The following NPAS3 variants were observed in gnomAD, a reference collection of about 807,000 sequenced individuals.
NPAS3 encodes the protein neuronal PAS domain-containing protein 3.
A neutral mutation model predicts 73.1 loss-of-function variants in NPAS3; 14 were observed. That is an observed-to-expected ratio of 0.19 (90% confidence interval 0.13 to 0.30). NPAS3 has a LOEUF of 0.30. NPAS3 is among the 10% of genes least tolerant of loss of function. The pLI, the probability that NPAS3 is intolerant of heterozygous loss-of-function variation, is 1.00. For synonymous variants in NPAS3, 620 were observed against 541.5 expected, an observed-to-expected ratio of 1.14 and a Z score of -2.01; for missense variants, 1,096 against 1,250.0, an observed-to-expected ratio of 0.88 and a Z score of 1.86.
At chr14:33,695,988 G>A (rs1463256575) in intron 6 of NPAS3, among the ~76,000 whole-genome samples, 2 of 152,152 alleles carry the variant, frequency 1.3e-5, no homozygotes, top group South Asian at 2.1e-4. Context: ...TATTCCTCTC[G>A]AAGAAGAAAT....
chr14:33,603,739 G>A (rs887745555), intron 5 of NPAS3, among the ~76,000 whole-genome samples: 2 of 152,062 alleles, frequency 1.3e-5, no homozygotes, highest in African/African-American at 4.8e-5. Context: ...AAAGAATGAA[G>A]ACTGTCAGAA....
intron 1 of NPAS3, among the ~76,000 whole-genome samples, chr14:32,959,609 A>G (rs2036823741): frequency 6.6e-6 from 1 of 152,214 alleles, no homozygotes. Context: ...AGTTTCTCAT[A>G]GACAGAGACT....
At chr14:33,655,464 G>A (rs192773318) in intron 5 of NPAS3, among the ~76,000 whole-genome samples, 49 of 151,408 alleles carry the variant, frequency 3.2e-4, no homozygotes, top group African/African-American at 1.1e-3. Flanking sequence ...ACTGGCAGAA[G>A]GCAATTCATA....
At chr14:32,999,313 C>G (rs776204481) in intron 1 of NPAS3, among the ~76,000 whole-genome samples, 2 of 152,082 alleles carry the variant, frequency 1.3e-5, no homozygotes, top group Non-Finnish European at 2.9e-5. Flanking sequence ...AGATTGAGAC[C>G]ATCCTGGCTA....
intron 6 of NPAS3, among the ~76,000 whole-genome samples, chr14:33,684,226 G>GTT (rs1474041294): frequency 1.4e-5 from 1 of 70,608 alleles, no homozygotes; most frequent in Non-Finnish European, 2.7e-5. Flanking sequence ...TTGTGCTGTG[G>GTT]GTTTTTTTTT....
At chr14:33,234,931 T>C (rs949191704) in intron 3 of NPAS3, among the ~76,000 whole-genome samples, 1 of 152,210 alleles carries the variant, frequency 6.6e-6, no homozygotes, top group Non-Finnish European at 1.5e-5. Context: ...ATAGATACGG[T>C]ATTGTAGCTA....
intron 1 of NPAS3, among the ~76,000 whole-genome samples, chr14:33,018,131 A>G (rs2039460053): frequency 6.6e-6 from 1 of 152,212 alleles, no homozygotes; most frequent in Admixed American, 6.5e-5. Context: ...GTTAAGAGGG[A>G]CAGATTGTGG....
In NPAS3 at chr14:33,799,857, G is replaced by A. The variant is rs766292406; in HGVS notation, c.1550G>A (p.Gly517Asp). 5 of 1,614,018 alleles carry A rather than the reference G, an allele frequency of 3.1e-6. No individual in the cohort carries two copies. Among genetic ancestry groups the A allele is most frequent in the African/African-American group, 2.7e-5 (2 of 74,930 alleles). The change falls in exon 12 of 12, where the codon GGC becomes GAC. Residue 517 changes from glycine to aspartate, a missense_variant. Physicochemically the swap from Gly to Asp is moderately conservative, Grantham distance 94 (BLOSUM62 -1). Transcript: ENST00000356141. Reference sequence around the variant, plus strand: ...AACGACATGAACTGCAACGACGACGGCCACAGCTCCAGTAACCCGGACAGC... The same window carrying A: ...AACGACATGAACTGCAACGACGACGACCACAGCTCCAGTAACCCGGACAGC...
intron 4 of NPAS3, among the ~76,000 whole-genome samples, chr14:33,371,783 T>C (rs1375618079): frequency 6.6e-6 from 1 of 152,178 alleles, no homozygotes; most frequent in African/African-American, 2.4e-5. Context: ...AGCTTAAATA[T>C]GATGAATTTT....
At chr14:33,284,764 ATATCTATCTATCTATCTATC>A (rs71118536) in intron 3 of NPAS3, among the ~76,000 whole-genome samples, 6,586 of 148,760 alleles carry the variant, frequency 0.044, 330 homozygotes, top group East Asian at 0.21. Flanking sequence ...ATCTATATCT[ATATCTATCTATCTATCTATC>A]TATCTATCTA....
At chr14:33,184,910 A>T (rs1320646152) in intron 2 of NPAS3, among the ~76,000 whole-genome samples, 1 of 152,194 alleles carries the variant, frequency 6.6e-6, no homozygotes, top group Non-Finnish European at 1.5e-5. Flanking sequence ...GCAGCCTGAA[A>T]CCTAGAAGAA....
intron 4 of NPAS3, among the ~76,000 whole-genome samples, chr14:33,382,577 C>A (rs1359533736): frequency 6.6e-6 from 1 of 152,038 alleles, no homozygotes; most frequent in Admixed American, 6.6e-5. Context: ...AGTAAACAAG[C>A]ATTTATAGCT....
At chr14:33,352,402 G>T (rs1039924016) in intron 3 of NPAS3, among the ~76,000 whole-genome samples, 1 of 152,164 alleles carries the variant, frequency 6.6e-6, no homozygotes, top group Admixed American at 6.6e-5. Flanking sequence ...TAAAAATTAA[G>T]ATTGAATGAA....
chr14:33,197,001 A>AT (rs1442215572), intron 2 of NPAS3, among the ~76,000 whole-genome samples: 10 of 152,162 alleles, frequency 6.6e-5, no homozygotes, highest in Non-Finnish European at 1.3e-4. Flanking sequence ...ATCATGACTG[A>AT]TTTAAAAAAA....
chr14:33,518,333 G>T (rs2053399551), intron 4 of NPAS3, among the ~76,000 whole-genome samples: 1 of 152,036 alleles, frequency 6.6e-6, no homozygotes. Flanking sequence ...CTAGTTGGAT[G>T]GCAAGGTAAG....
intron 6 of NPAS3, among the ~76,000 whole-genome samples, chr14:33,693,672 A>G (rs1352386724): frequency 1.3e-5 from 2 of 152,190 alleles, no homozygotes; most frequent in African/African-American, 4.8e-5. Context: ...CCAAGAAAAA[A>G]AGCCTGAGTT....
At chr14:33,776,824 T>C (rs1566529043) in intron 8 of NPAS3, among the ~76,000 whole-genome samples, 1 of 151,954 alleles carries the variant, frequency 6.6e-6, no homozygotes, top group Non-Finnish European at 1.5e-5. Flanking sequence ...GTGTAGGTCA[T>C]CCAACTGGTC....
At chr14:33,356,997 T>A (rs2045366879) in intron 3 of NPAS3, among the ~76,000 whole-genome samples, 1 of 152,222 alleles carries the variant, frequency 6.6e-6, no homozygotes, top group African/African-American at 2.4e-5. Flanking sequence ...ATCTGCATTC[T>A]CCAAATTGTG....
At chr14:33,541,283 CT>C (rs1177305561) in intron 4 of NPAS3, among the ~76,000 whole-genome samples, 1 of 152,170 alleles carries the variant, frequency 6.6e-6, no homozygotes, top group Non-Finnish European at 1.5e-5. Context: ...TCCATTAAAT[CT>C]TGGGCCAGAA....
Sources: allele counts gnomAD v4.1 joint callset (sites outside exome capture counted in the v4.1 genomes callset), GRCh38; gene constraint gnomAD v4.1.1; transcripts MANE v1.5; gene names NCBI Gene and HGNC (gene_info 2026-07-23, HGNC 2026-07-21).